The following MYB variants were observed in gnomAD, a reference collection of about 807,000 sequenced individuals.
MYB encodes MYB proto-oncogene, transcription factor.
A neutral mutation model predicts 92.9 loss-of-function variants in MYB; 28 were observed. The observed-to-expected ratio is 0.30, with a 90% CI of 0.22 to 0.41. MYB has a LOEUF of 0.41. MYB is among the 10% of genes least tolerant of loss of function. The pLI, the probability that MYB is intolerant of heterozygous loss-of-function variation, is 1.00. For missense variants in MYB, 679 were observed against 929.3 expected (o/e 0.73, Z 3.50); for synonymous variants, 295 against 329.1 (o/e 0.90, Z 1.12).
chr6:135,194,807 G>T (rs1369724524), intron 8 of MYB: 3 of 795,934 alleles, frequency 3.8e-6, no homozygotes, highest in Non-Finnish European at 5.4e-6. Flanking sequence ...GTACCATTTT[G>T]GTTTTTTTCT....
intron 15 of MYB, among the ~76,000 whole-genome samples, chr6:135,211,481 G>C (rs1779689699): frequency 6.6e-6 from 1 of 152,024 alleles, no homozygotes; most frequent in South Asian, 2.1e-4. Flanking sequence ...GACACTTAGA[G>C]AGAATAAACA....
chr6:135,187,703 C>T (rs951481967), intron 2 of MYB, 131 bp from the exon 3 acceptor site: 10 of 482,804 alleles, frequency 2.1e-5, no homozygotes, highest in African/African-American at 1.8e-4. Flanking sequence ...CCGTATATTA[C>T]ATTAATATCT....
chr6:135,208,691 T>C (rs781039649), intron 15 of MYB, among the ~76,000 whole-genome samples: 8 of 152,150 alleles, frequency 5.3e-5, no homozygotes, highest in Non-Finnish European at 7.4e-5. Flanking sequence ...TGAAGTATTT[T>C]AAAGTAAATT....
chr6:135,214,925 C>T (rs1053577420), intron 15 of MYB, among the ~76,000 whole-genome samples: 3 of 152,154 alleles, frequency 2.0e-5, no homozygotes, highest in Non-Finnish European at 4.4e-5. Context: ...ACATTAAATT[C>T]GGAATAGAAG....
Position 135,182,912 on chromosome 6 carries a change from A to T in MYB, c.23+1376A>T, listed in dbSNP as rs6913228. On this transcript the variant is annotated intron_variant, in intron 1 of 15. Coordinates refer to ENST00000341911, the MANE Select transcript of MYB (RefSeq NM_001130173.2). The surrounding 1 kb of genome is among the most constrained non-coding windows in gnomAD (Gnocchi z 5.6). ...GGGGAGCTCCGGGCTCCCTATGCCT[A>T]CTCCGGAGCCTGGCCGCGCAGGACG... 6.6e-6 allele frequency among the ~76,000 whole-genome samples: 1 copy of T among 150,630 alleles called. No homozygotes were observed. The highest frequency in any genetic ancestry group is 6.6e-5 in the Admixed American group (1 of 15,154).
intron 15 of MYB, among the ~76,000 whole-genome samples, chr6:135,208,081 ATTT>A (rs34723585): frequency 7.4e-6 from 1 of 135,548 alleles, no homozygotes; most frequent in Non-Finnish European, 1.6e-5. Flanking sequence ...TTTTTTTTTA[ATTT>A]TTTTTTTTTT....
intron 5 of MYB, 140 bp from the exon 6 acceptor site, chr6:135,192,184 G>A (rs1776717896): frequency 3.0e-6 from 2 of 669,420 alleles, no homozygotes; most frequent in African/African-American, 1.8e-5. Context: ...AGAGGGTGGA[G>A]AAGAAGGAAA....
At chr6:135,217,396 ATACTG>A (rs763076771) in intron 15 of MYB, among the ~76,000 whole-genome samples, 24 of 152,132 alleles carry the variant, frequency 1.6e-4, no homozygotes, top group South Asian at 4.2e-4. Context: ...AAATTAAACT[ATACTG>A]ATAAATATTT....
At chr6:135,196,930 T>G in intron 9 of MYB, 31 bp from the exon 10 acceptor site, 1 of 1,598,942 alleles carries the variant, frequency 6.3e-7, no homozygotes, top group South Asian at 1.1e-5. Context: ...ACACACTATC[T>G]CAAAGTTCTG....
At chr6:135,200,906 G>A (rs1366287958) in intron 13 of MYB, among the ~76,000 whole-genome samples, 4 of 151,972 alleles carry the variant, frequency 2.6e-5, no homozygotes, top group Non-Finnish European at 4.4e-5. Flanking sequence ...GTGAAACCCC[G>A]TATCCACTAA....
Position 135,217,971 on chromosome 6 carries a change from G to A in MYB, c.2277G>A (p.Leu759=). Reference sequence around the variant, plus strand: ...TGAATGCATTCTCAGCCCGGACGCTGGTCATGTGAGACATTTCCAGAAAAG... The same window carrying A: ...TGAATGCATTCTCAGCCCGGACGCTAGTCATGTGAGACATTTCCAGAAAAG... ...KYVNAFSART[L]VM is the part of the protein sequence containing the mutation. The change falls in exon 16 of 16, where the codon CTG becomes CTA. Residue 759 remains leucine, a synonymous_variant. Transcript: ENST00000341911. 6.2e-7 allele frequency: 1 copy of A among 1,600,266 alleles called. No homozygotes were observed. Among genetic ancestry groups the A allele is most frequent in the Non-Finnish European group, 8.6e-7 (1 of 1,167,476 alleles).
At chr6:135,206,223 AAAAAT>A (rs1380619290) in intron 15 of MYB, among the ~76,000 whole-genome samples, 347 of 130,614 alleles carry the variant, frequency 2.7e-3, no homozygotes, top group African/African-American at 9.0e-3. Context: ...AAAAAAAAAA[AAAAAT>A]AATAATAATA....
rs1347712047 is a variant in MYB, at chr6:135,206,221, A to AT, written c.2169+2897_2169+2898insT. Among the ~76,000 whole-genome samples the AT allele has an allele frequency of 1.1e-3, 161 of 143,856 alleles. 1 individual carries two copies. The highest frequency in any genetic ancestry group is 3.6e-3 in the Middle Eastern group (1 of 278). 94.4% of individuals were successfully genotyped at this position (143,856 alleles called of 152,430 possible). ...ACTCCATCTCAAAAAAAAAAAAAAA[A>AT]AAAAAATAATAATAATAATAATAAT... On this transcript the variant is annotated intron_variant, in intron 15 of 15. Transcript: ENST00000341911.
intron 3 of MYB, among the ~76,000 whole-genome samples, 198 bp downstream of exon 3, chr6:135,188,103 T>G (rs1445400836): frequency 1.3e-5 from 2 of 152,180 alleles, no homozygotes; most frequent in African/African-American, 4.8e-5. Flanking sequence ...TAGAATCGAT[T>G]ATTATAATTT....
At chr6:135,192,691 C>T in intron 6 of MYB, 133 bp downstream of exon 6, 1 of 783,680 alleles carries the variant, frequency 1.3e-6, no homozygotes, top group Non-Finnish European at 2.1e-6. Flanking sequence ...TCACCTATGC[C>T]CTTTGAAGTA....
Position 135,218,926 on chromosome 6 carries a change from T to C in MYB, c.*946T>C. On this transcript the variant is annotated 3_prime_UTR_variant, in exon 16 of 16. Coordinates refer to ENST00000341911, the MANE Select transcript of MYB (RefSeq NM_001130173.2). ...TTGATGTTCTATGTTTTGTTTTGAGTGTAGCCTGACTGTTTTATAATTTGG... is the reference window on the plus strand; with the variant it reads ...TTGATGTTCTATGTTTTGTTTTGAGCGTAGCCTGACTGTTTTATAATTTGG... 1 of 228,616 alleles carries C rather than the reference T, an allele frequency of 4.4e-6. No homozygotes were observed. Among genetic ancestry groups the C allele is most frequent in the Non-Finnish European group, 8.7e-6 (1 of 114,776 alleles). The allele number at this position is 228,616 out of a possible 1,614,324, so 14.2% of individuals were successfully genotyped here.
chr6:135,194,414 T>C lies in MYB; in HGVS notation c.902T>C (p.Leu301Pro). Residue 301 changes from leucine (L) to proline (P), a missense_variant, in exon 8 of 16, where the codon CTC becomes CCC. Physicochemically the swap from Leu to Pro is moderately conservative, Grantham distance 98 (BLOSUM62 -3). Around this residue, in one of 8 missense-constraint regions of MYB, gnomAD observed 43 missense variants for 87.9 expected, o/e 0.49. Transcript: ENST00000341911. ...KEKRIKELEL[L>P]LMSTENELKG... The stretch of plus-strand genomic sequence containing the variant: ...AAGCGAATAAAGGAATTAGAATTGC[T>C]CCTAATGTCAACCGAGAATGAGCTA... 6.2e-7 allele frequency: 1 copy of C among 1,614,002 alleles called. No individual in the cohort carries two copies. The highest frequency in any genetic ancestry group is 8.5e-7 in the Non-Finnish European group (1 of 1,179,928).
In MYB at chr6:135,200,163, A is replaced by C. The variant is rs1777860310; in HGVS notation, c.1788A>C (p.Ala596=). 1.9e-6 allele frequency: 3 copies of C among 1,614,110 alleles called. No homozygotes were observed. Among genetic ancestry groups the C allele is most frequent in the Non-Finnish European group, 2.5e-6 (3 of 1,180,054 alleles). Residue 596 remains alanine, a synonymous_variant, in exon 12 of 16, where the codon GCA becomes GCC. Transcript: ENST00000341911. The part of the protein sequence containing the change: ...RTPTPFKHAL[A]AQEIKYGPLK... ...CTACACCATTCAAACATGCACTTGC[A>C]GCTCAAGAAATTAAATACGGTCCCC...
rs754667702 is a variant in MYB at position 135,200,337 on chromosome 6, A to G, written c.1872A>G (p.Lys624=). 3.7e-6 allele frequency: 6 copies of G among 1,614,042 alleles called. No individual in the cohort carries two copies. Among genetic ancestry groups the G allele is most frequent in the Non-Finnish European group, 5.1e-6 (6 of 1,180,016 alleles). The change falls in exon 13 of 16, where the codon AAA becomes AAG. Residue 624 remains lysine (K), a synonymous_variant. Transcript: ENST00000341911. ...TAGAAGATCTGCAGGATGTGATCAA[A>G]CAGGAATCTGATGAATCTGGAATTG... The part of the protein sequence containing the change: ...HLVEDLQDVI[K]QESDESGIVA...
Sources: gnomAD v4.1 joint callset for allele counts (sites outside exome capture counted in the v4.1 genomes callset) on GRCh38, gnomAD v4.1.1 for gene constraint, gnomAD v4.1.1 regional missense constraint, Gnocchi (gnomAD v3.1) non-coding constraint, MANE v1.5 for transcripts, NCBI Gene and HGNC (gene_info 2026-07-23, HGNC 2026-07-21) for gene names.